Variants in TMPRSS2 observed in about 807,000 individuals in gnomAD.
The protein encoded by TMPRSS2 is transmembrane serine protease 2.
Under a neutral mutation model 67.4 loss-of-function variants are expected in TMPRSS2, and 59 were observed. The ratio of observed to expected loss-of-function variants is 0.88; its 90% CI spans 0.71 to 1.09. The LOEUF is 1.09. TMPRSS2 is among the 50% of genes least tolerant of loss of function. The pLI is 0.00. For synonymous variants in TMPRSS2, 257 were observed against 257.0 expected (o/e 1.00, Z 0.00); for missense variants, 668 against 642.7 (o/e 1.04, Z -0.43).
chr21:41,472,222 G>A (rs1344170582), intron 9 of TMPRSS2, among the ~76,000 whole-genome samples: 2 of 148,948 alleles, frequency 1.3e-5, no homozygotes, highest in African/African-American at 5.0e-5. Context: ...TCACCTTCAA[G>A]GAATCTGCAG....
In TMPRSS2 at chr21:41,467,847, T is replaced by C. The variant is rs1166094493; in HGVS notation, c.1354A>G (p.Ile452Val). 1.9e-6 allele frequency: 3 copies of C among 1,614,092 alleles called. No homozygotes were observed. In the African/African-American group the frequency reaches 4.0e-5, roughly 22 times the overall value. Residue 452 changes from isoleucine to valine, a missense_variant, in exon 13 of 14, where the codon ATC becomes GTC. By Grantham distance (29) the Ile-to-Val change is conservative. Coordinates refer to ENST00000332149, the MANE Select transcript of TMPRSS2 (RefSeq NM_005656.4). ...GGPLVTSKNN[I>V]WWLIGDTSWG... ...CTTGTATCCCCTATCAGCCACCAGA[T>C]ATTGTTCTTCGAAGTGACCAGAGGC...
intron 9 of TMPRSS2, among the ~76,000 whole-genome samples, chr21:41,473,042 C>T (rs1183349810): frequency 2.0e-5 from 3 of 152,134 alleles, no homozygotes; most frequent in African/African-American, 4.8e-5. Context: ...CAGGACAGAG[C>T]TCAGAGGACA....
chr21:41,470,693 C>G lies in TMPRSS2; in HGVS notation c.1126G>C (p.Glu376Gln). 1 of 1,613,724 alleles carries G rather than the reference C, an allele frequency of 6.2e-7. No individual in the cohort carries two copies. The highest frequency in any genetic ancestry group is 8.5e-7 in the Non-Finnish European group (1 of 1,179,994). ...LPNPGMMLQP[E>Q]QLCWISGWGA... ...CACCCGGAAATCCAGCAGAGCTGTT[C>G]TGGCTGCAGCATCATGCCTGGGTTG... The change falls in exon 11 of 14, where the codon GAA (glutamate) becomes CAA (glutamine). Residue 376 changes from glutamate (E) to glutamine (Q), a missense_variant. Physicochemically the swap from Glu to Gln is conservative, Grantham distance 29. Coordinates refer to ENST00000332149, the MANE Select transcript of TMPRSS2 (RefSeq NM_005656.4).
At chr21:41,500,852 A>T (rs1014209930) in intron 1 of TMPRSS2, among the ~76,000 whole-genome samples, 1 of 152,222 alleles carries the variant, frequency 6.6e-6, no homozygotes, top group African/African-American at 2.4e-5. Context: ...AGGCTTGACA[A>T]CACAATAAAT....
chr21:41,503,523 G>A (rs1405671069), intron 1 of TMPRSS2, among the ~76,000 whole-genome samples: 2 of 152,212 alleles, frequency 1.3e-5, no homozygotes, highest in Non-Finnish European at 2.9e-5. Flanking sequence ...CAACACGTAA[G>A]AGCCGGCTAT....
chr21:41,480,035 TC>T (rs989017487), intron 6 of TMPRSS2, among the ~76,000 whole-genome samples: 2 of 152,138 alleles, frequency 1.3e-5, no homozygotes, highest in African/African-American at 2.4e-5. Flanking sequence ...CTTCCATGGC[TC>T]CCGAATGAAG....
intron 1 of TMPRSS2, among the ~76,000 whole-genome samples, chr21:41,499,351 C>T (rs997117167): frequency 2.6e-5 from 4 of 152,198 alleles, no homozygotes; most frequent in Admixed American, 2.6e-4. Flanking sequence ...AAAGATTCTT[C>T]GCTTGATCAA....
At chr21:41,499,631 C>G (rs1232112854) in intron 1 of TMPRSS2, among the ~76,000 whole-genome samples, 1 of 152,136 alleles carries the variant, frequency 6.6e-6, no homozygotes, top group African/African-American at 2.4e-5. Context: ...TTTCCACCCA[C>G]CAACCCCACC....
chr21:41,490,378 C>T (rs2091326970), intron 3 of TMPRSS2, among the ~76,000 whole-genome samples: 1 of 152,146 alleles, frequency 6.6e-6, no homozygotes, highest in Admixed American at 6.5e-5. Context: ...GGACATCCAC[C>T]AAAGCTACAT....
At position 41,465,960 on chromosome 21, in the gene TMPRSS2, TG is replaced by T; in HGVS notation, c.*181del. 1 of 701,408 alleles carries T rather than the reference TG, an allele frequency of 1.4e-6. No individual in the cohort carries two copies. The highest frequency in any genetic ancestry group is 2.4e-6 in the Non-Finnish European group (1 of 411,640). The allele number at this position is 701,408 out of a possible 1,614,324, so 43.4% of individuals were successfully genotyped here. A position where few individuals can be genotyped will look rare whatever the true frequency, so the allele number is the denominator to read the frequency against. ...GGACAAGGGGTTAGGGAGAGCAGGC[TG>T]GGCAGGGGAGCCACTGCAGCCTGCA... On this transcript the variant is annotated 3_prime_UTR_variant, in exon 14 of 14. Coordinates refer to ENST00000332149, the MANE Select transcript of TMPRSS2 (RefSeq NM_005656.4).
intron 3 of TMPRSS2, among the ~76,000 whole-genome samples, chr21:41,492,371 AGG>A (rs1278359631): frequency 6.6e-6 from 1 of 152,200 alleles, no homozygotes; most frequent in East Asian, 1.9e-4. Context: ...CCAAAGCCTA[AGG>A]TTTAAGCTGT....
At chr21:41,493,189 C>A (rs1331422814) in intron 3 of TMPRSS2, among the ~76,000 whole-genome samples, 1 of 152,144 alleles carries the variant, frequency 6.6e-6, no homozygotes, top group African/African-American at 2.4e-5. Context: ...CCAACCACCC[C>A]CAGAAGAACA....
chr21:41,489,942 G>A (rs1029479821), intron 3 of TMPRSS2, among the ~76,000 whole-genome samples: 3 of 152,094 alleles, frequency 2.0e-5, no homozygotes, highest in Non-Finnish European at 2.9e-5. Flanking sequence ...GAGGTCAAGA[G>A]TTCAAGACCA....
chr21:41,501,022 G>T (rs1343871927), intron 1 of TMPRSS2, among the ~76,000 whole-genome samples: 1 of 152,116 alleles, frequency 6.6e-6, no homozygotes, highest in Non-Finnish European at 1.5e-5. Context: ...GTGAAAATTC[G>T]ATCCCATTGG....
At chr21:41,505,364 G>C (rs1003264079) in intron 1 of TMPRSS2, among the ~76,000 whole-genome samples, 1 of 152,218 alleles carries the variant, frequency 6.6e-6, no homozygotes, top group African/African-American at 2.4e-5. Flanking sequence ...AGGTGGAAAA[G>C]GGTAAGAGTT....
rs749445261 is a variant in TMPRSS2, at chr21:41,471,929, A to G, written c.952T>C (p.Ser318Pro). 3 of 1,613,140 alleles carry G rather than the reference A, an allele frequency of 1.9e-6. No individual in the cohort carries two copies. The highest frequency in any genetic ancestry group is 2.2e-5 in the South Asian group (2 of 91,058). ...WTAFAGILRQ[S>P]FMFYGAGYQV... ...TATCCGGCTCCATAGAACATGAAAG[A>G]TTGTCTCAAAATCCCCGCAAATGCC... Residue 318 changes from serine to proline, a missense_variant, in exon 10 of 14, where the codon TCT (serine) becomes CCT (proline). Coordinates refer to ENST00000332149, the MANE Select transcript of TMPRSS2 (RefSeq NM_005656.4).
intron 1 of TMPRSS2, among the ~76,000 whole-genome samples, chr21:41,498,473 C>G (rs1258704736): frequency 1.3e-5 from 2 of 152,176 alleles, no homozygotes; most frequent in Non-Finnish European, 2.9e-5. Context: ...GCGGCCAGGA[C>G]AGCCTGACCA....
chr21:41,467,388 CAA>C (rs1216161241), intron 13 of TMPRSS2, among the ~76,000 whole-genome samples: 53 of 113,766 alleles, frequency 4.7e-4, no homozygotes, highest in Admixed American at 5.7e-4. Flanking sequence ...GACTCCATCT[CAA>C]AAAAAAAAAA....
Position 41,471,888 on chromosome 21 carries a change from C to T in TMPRSS2, c.993G>A (p.Val331=), listed in dbSNP as rs1048938508. ...FYGAGYQVEK[V]ISHPNYDSKT... is the part of the protein sequence containing the mutation. ...TGGAGTCATAATTTGGATGAGAAAT[C>T]ACTTTTTCTACTTGGTATCCGGCTC... Residue 331 remains valine, a synonymous_variant, in exon 10 of 14, where the codon GTG becomes GTA. Coordinates refer to ENST00000332149, the MANE Select transcript of TMPRSS2 (RefSeq NM_005656.4). 3.1e-6 allele frequency: 5 copies of T among 1,613,600 alleles called. No individual in the cohort carries two copies. The highest frequency in any genetic ancestry group is 4.2e-6 in the Non-Finnish European group (5 of 1,179,880).
Sources: gnomAD v4.1 joint callset for allele counts (sites outside exome capture counted in the v4.1 genomes callset) on GRCh38, gnomAD v4.1.1 for gene constraint, MANE v1.5 for transcripts, NCBI Gene and HGNC (gene_info 2026-07-23, HGNC 2026-07-21) for gene names.